The following PRPS2 variants were observed in gnomAD, a reference collection of about 807,000 sequenced individuals.
PRPS2 encodes the protein phosphoribosyl pyrophosphate synthetase 2.
For missense variants in PRPS2, 104 were observed against 271.5 expected, an observed-to-expected ratio of 0.38 and a Z score of 4.34; for synonymous variants, 111 against 115.3, an observed-to-expected ratio of 0.96 and a Z score of 0.24.
intron 3 of PRPS2, among the ~76,000 whole-genome samples, chrX:12,809,766 C>G (rs1393392115): frequency 8.9e-6 from 1 of 112,367 alleles, no homozygotes; most frequent in Non-Finnish European, 1.9e-5. Context: ...CATAGCCATT[C>G]TATTCCTCAG....
intron 1 of PRPS2, among the ~76,000 whole-genome samples, chrX:12,797,956 G>C (rs1278378935): frequency 8.9e-6 from 1 of 112,634 alleles, no homozygotes; most frequent in Non-Finnish European, 1.9e-5. Context: ...TACAGAAAAT[G>C]GCAAATGGAG....
At chrX:12,794,599 GT>G (rs1005926209) in intron 1 of PRPS2, among the ~76,000 whole-genome samples, 6 of 112,083 alleles carry the variant, frequency 5.4e-5, no homozygotes, top group African/African-American at 1.6e-4. Flanking sequence ...GCTCTTCAGC[GT>G]TTTTATTTGG....
chrX:12,814,122 C>G (rs1213996741), intron 4 of PRPS2, among the ~76,000 whole-genome samples: 1 of 103,751 alleles, frequency 9.6e-6, no homozygotes, highest in Non-Finnish European at 1.9e-5. Flanking sequence ...TAATCCACCT[C>G]TATTGATTTG....
chrX:12,799,183 C>T, intron 1 of PRPS2, 24 bp from the exon 2 acceptor site: 1 of 1,203,741 alleles, frequency 8.3e-7, no homozygotes, highest in Middle Eastern at 2.3e-4. Context: ...TCGATATTAA[C>T]CGATGGCAGT....
intron 1 of PRPS2, among the ~76,000 whole-genome samples, chrX:12,794,198 T>G (rs1258986459): frequency 8.9e-6 from 1 of 112,578 alleles, no homozygotes; most frequent in Non-Finnish European, 1.9e-5. Flanking sequence ...CTGAGGCTGG[T>G]CACAGCTGAG....
chrX:12,810,506 G>A (rs942273334), intron 4 of PRPS2: 3 of 213,454 alleles, frequency 1.4e-5, no homozygotes, highest in Non-Finnish European at 2.5e-5. Context: ...GGAAATGGTA[G>A]CCAAAATAGA....
intron 2 of PRPS2, among the ~76,000 whole-genome samples, chrX:12,804,432 G>A (rs766788266): frequency 4.0e-4 from 45 of 111,325 alleles, no homozygotes; most frequent in Non-Finnish European, 7.5e-4. Flanking sequence ...GTGAACCACC[G>A]CGCCTGGCCC....
At position 12,809,375 on chromosome X, in the gene PRPS2, T is replaced by A. The variant is rs1013599585; in HGVS notation, c.405+43T>A. The A allele has an allele frequency of 5.4e-6, 6 of 1,116,384 alleles. No homozygotes were observed. The Admixed American group carries it at 6.9e-5, about 13-fold the overall frequency. The allele number at this position is 1,116,384 out of a possible 1,213,427, so 92.0% of individuals were successfully genotyped here. On this transcript the variant is annotated intron_variant, in intron 3 of 6. Transcript: ENST00000380668. ...CTGCAAATGGTTAAATCAAGTCTGT[T>A]AAATTAAATAATCTTAGGTAACATT...
intron 4 of PRPS2, among the ~76,000 whole-genome samples, chrX:12,818,034 C>T (rs2042657074): frequency 9.0e-6 from 1 of 110,623 alleles, no homozygotes; most frequent in Admixed American, 9.6e-5. Context: ...TAAAATGGCT[C>T]CAAGGATAAA....
chrX:12,802,224 G>A (rs1022757454), intron 2 of PRPS2, among the ~76,000 whole-genome samples: 9 of 112,020 alleles, frequency 8.0e-5, no homozygotes, highest in Non-Finnish European at 3.8e-5. Flanking sequence ...ATTGTAGGAG[G>A]TGTGATGCAG....
chrX:12,807,644 G>A (rs1179299249), intron 2 of PRPS2, among the ~76,000 whole-genome samples: 1 of 111,267 alleles, frequency 9.0e-6, no homozygotes, highest in African/African-American at 3.3e-5. Flanking sequence ...GTGTTCTGCT[G>A]CGAAAATTCG....
chrX:12,799,550 T>A, intron 2 of PRPS2, 160 bp downstream of exon 2: 1 of 580,935 alleles, frequency 1.7e-6, no homozygotes, highest in South Asian at 3.8e-5. Flanking sequence ...GATTTGGCTT[T>A]GAACCTACCC....
At chrX:12,801,910 G>A (rs1462694596) in intron 2 of PRPS2, among the ~76,000 whole-genome samples, 1 of 112,406 alleles carries the variant, frequency 8.9e-6, no homozygotes, top group Non-Finnish European at 1.9e-5. Context: ...CACCTGGCCT[G>A]TAGCTGTATT....
intron 2 of PRPS2, among the ~76,000 whole-genome samples, chrX:12,804,508 G>A (rs989083753): frequency 9.0e-6 from 1 of 111,164 alleles, no homozygotes; most frequent in African/African-American, 3.3e-5. Context: ...CTTGGATCAC[G>A]TGGCTTGGCT....
At chrX:12,809,432 C>G in intron 3 of PRPS2, 100 bp downstream of exon 3, 1 of 857,432 alleles carries the variant, frequency 1.2e-6, no homozygotes, top group Non-Finnish European at 1.7e-6. Context: ...TGGCTACTCT[C>G]TTGGATTTTT....
At chrX:12,816,845 T>A (rs1186659004) in intron 4 of PRPS2, among the ~76,000 whole-genome samples, 4 of 111,577 alleles carry the variant, frequency 3.6e-5, no homozygotes, top group Non-Finnish European at 7.5e-5. Context: ...GCTGAAACTA[T>A]CTTTATTTTG....
At chrX:12,804,821 C>T (rs1001638826) in intron 2 of PRPS2, among the ~76,000 whole-genome samples, 3 of 111,825 alleles carry the variant, frequency 2.7e-5, no homozygotes, top group Admixed American at 9.4e-5. Flanking sequence ...TGCTCCTGCA[C>T]AGCCGCAGGA....
At chrX:12,795,684 C>T (rs1198533825) in intron 1 of PRPS2, among the ~76,000 whole-genome samples, 5 of 112,138 alleles carry the variant, frequency 4.5e-5, no homozygotes, top group Non-Finnish European at 9.4e-5. Context: ...GCAATGATGA[C>T]GTTAATCCGT....
intron 2 of PRPS2, among the ~76,000 whole-genome samples, chrX:12,807,729 T>G (rs2042600683): frequency 9.0e-6 from 1 of 111,610 alleles, no homozygotes; most frequent in South Asian, 3.7e-4. Flanking sequence ...GATCTATAAT[T>G]AGTGGAGAAG....
Sources: gnomAD v4.1 joint callset for allele counts (sites outside exome capture counted in the v4.1 genomes callset) on GRCh38, gnomAD v4.1.1 for gene constraint, MANE v1.5 for transcripts, NCBI Gene and HGNC (gene_info 2026-07-23, HGNC 2026-07-21) for gene names.